Variants in NT5C1B observed in about 807,000 individuals in gnomAD.
NT5C1B encodes the protein 5'-nucleotidase, cytosolic IB, also known as cytosolic 5'-nucleotidase 1B.
NT5C1B carries 44 observed loss-of-function variants against 57.8 expected under a neutral mutation model. That is an observed-to-expected ratio of 0.76 (90% CI 0.60 to 0.98). The LOEUF (loss-of-function observed/expected upper bound fraction) is 0.98. NT5C1B is among the 50% of genes least tolerant of loss of function. NT5C1B has a pLI of 0.00. For synonymous variants in NT5C1B, 284 were observed against 282.6 expected, an observed-to-expected ratio of 1.00 and a Z score of -0.05; for missense variants, 742 against 719.5, an observed-to-expected ratio of 1.03 and a Z score of -0.36.
chr2:18,586,000 C>G (rs1666671437), intron 3 of NT5C1B, among the ~76,000 whole-genome samples: 1 of 151,910 alleles, frequency 6.6e-6, no homozygotes, highest in African/African-American at 2.4e-5. Context: ...TGTGCAGCCT[C>G]TAGATCTGGA....
chr2:18,573,171 A>G (rs998436780), intron 8 of NT5C1B, among the ~76,000 whole-genome samples: 5 of 152,178 alleles, frequency 3.3e-5, no homozygotes, highest in African/African-American at 1.2e-4. Flanking sequence ...TATGATAAAT[A>G]AAAGAAGTCA....
Position 18,576,305 on chromosome 2 carries a change from C to T in NT5C1B, c.1208G>A (p.Arg403His), listed in dbSNP as rs201567504. ...GACAGCATCCCCATCAAAGGCTACA[C>T]GGAGCTGAGTGTCACAGTAAGCCAT... The change falls in exon 8 of 9, where the codon CGT becomes CAT. Residue 403 changes from arginine to histidine, a missense_variant. By Grantham distance (29) the Arg-to-His change is conservative. Coordinates refer to ENST00000304081, the Ensembl canonical transcript of NT5C1B. 4.1e-5 allele frequency: 66 copies of T among 1,613,710 alleles called. No individual in the cohort carries two copies. The highest frequency in any genetic ancestry group is 2.7e-4 in the East Asian group (12 of 44,894).
Position 18,584,458 on chromosome 2 carries a change from T to C in NT5C1B, c.723+56A>G. 1 of 1,572,464 alleles carries C rather than the reference T, an allele frequency of 6.4e-7. No homozygotes were observed. The highest frequency in any genetic ancestry group is 8.6e-7 in the Non-Finnish European group (1 of 1,160,538). ...CCTGCGCAGTGGAGAGGAGGGCGGCTGGAAGAGGCTGCAAGGAAGGGCGCC... is the reference window on the plus strand; with the variant it reads ...CCTGCGCAGTGGAGAGGAGGGCGGCCGGAAGAGGCTGCAAGGAAGGGCGCC... On this transcript the variant is annotated intron_variant, in intron 4 of 8. Transcript: ENST00000304081. This position sits in a 1 kb window ranked among gnomAD's most constrained non-coding sequence, Gnocchi z 5.8.
chr2:18,586,324 C>T, exon 3 of NT5C1B: 1 of 1,614,160 alleles, frequency 6.2e-7, no homozygotes, highest in Non-Finnish European at 8.5e-7. Context: ...CCGGGATATT[C>T]TAGACCATTG....
rs766533423 is a variant in NT5C1B at position 18,584,898 on chromosome 2, C to T, written c.339G>A (p.Gly113=). The T allele has an allele frequency of 2.7e-5, 42 of 1,568,730 alleles. No individual in the cohort carries two copies. The highest frequency in any genetic ancestry group is 3.6e-5 in the Non-Finnish European group (42 of 1,162,666). ...ACGCGGGTGGCTGGAGCGAGGGCTG[C>T]CCGGACAGCGGCGGCGGTGAGGAGT... The change falls in exon 4 of 9, where the codon GGG becomes GGA. Residue 113 remains glycine (G), a synonymous_variant. Transcript: ENST00000304081. The surrounding 1 kb of genome is among the most constrained non-coding windows in gnomAD (Gnocchi z 5.8).
exon 9 of NT5C1B, chr2:18,562,875 A>G (rs981513899): frequency 2.6e-5 from 4 of 152,204 alleles, no homozygotes; most frequent in African/African-American, 9.6e-5. Context: ...TAATAATACT[A>G]TGTCACAAAC....
Position 18,574,010 on chromosome 2 carries a change from G to GAAAC in NT5C1B, c.1329+2170_1329+2173dup, listed in dbSNP as rs1292763229. On this transcript the variant is annotated intron_variant, in intron 8 of 8. Coordinates refer to ENST00000304081, the Ensembl canonical transcript of NT5C1B. Reference sequence around the variant, plus strand: ...ACTAGAAAGTTTCTGCAAAGCAAAGGAAACAACAGAGTGAAAAGGCACCCT... The same window carrying GAAAC: ...ACTAGAAAGTTTCTGCAAAGCAAAGGAAACAAACAACAGAGTGAAAAGGCACCCT... Among the ~76,000 whole-genome samples the GAAAC allele has an allele frequency of 4.6e-5, 7 of 152,162 alleles. No individual in the cohort carries two copies. The East Asian group carries it at 1.4e-3, about 29-fold the overall frequency.
intron 8 of NT5C1B, among the ~76,000 whole-genome samples, chr2:18,570,892 A>C (rs1040008063): frequency 6.6e-6 from 1 of 152,238 alleles, no homozygotes; most frequent in Non-Finnish European, 1.5e-5. Context: ...GCTTTTACAA[A>C]TCCATTAATG....
intron 6 of NT5C1B, among the ~76,000 whole-genome samples, chr2:18,581,341 T>C (rs1047390107): frequency 1.3e-5 from 2 of 152,208 alleles, no homozygotes; most frequent in African/African-American, 4.8e-5. Flanking sequence ...CAGAAAGGTC[T>C]CAGTTTAGGG....
At chr2:18,576,344 T>G in exon 8 of NT5C1B, 1 of 1,613,056 alleles carries the variant, frequency 6.2e-7, no homozygotes, top group Non-Finnish European at 8.5e-7. Flanking sequence ...TTTGGCTCCA[T>G]CAAACATTGT....
At chr2:18,575,862 T>C (rs1454500934) in intron 8 of NT5C1B, among the ~76,000 whole-genome samples, 1 of 152,210 alleles carries the variant, frequency 6.6e-6, no homozygotes, top group Non-Finnish European at 1.5e-5. Flanking sequence ...GAATTTATTA[T>C]GTAGAAATGG....
At chr2:18,573,826 G>GT (rs1337109240) in intron 8 of NT5C1B, among the ~76,000 whole-genome samples, 1 of 152,082 alleles carries the variant, frequency 6.6e-6, no homozygotes, top group Non-Finnish European at 1.5e-5. Context: ...AAAATGGCAT[G>GT]TTTTTTAAAC....
chr2:18,563,678 A>G (rs1224285090), exon 9 of NT5C1B: 1 of 1,202,514 alleles, frequency 8.3e-7, no homozygotes, highest in Non-Finnish European at 1.1e-6. Context: ...AAACCTTTCC[A>G]AAGAAGCAAA....
In NT5C1B at chr2:18,584,475, A is replaced by T; in HGVS notation, c.723+39T>A. ...AGGGCGGCTGGAAGAGGCTGCAAGG[A>T]AGGGCGCCCCGGCTGCCAGGGGCGG... On this transcript the variant is annotated intron_variant, in intron 4 of 8. Coordinates refer to ENST00000304081, the Ensembl canonical transcript of NT5C1B. This position sits in a 1 kb window ranked among gnomAD's most constrained non-coding sequence, Gnocchi z 5.8. 6.3e-7 allele frequency: 1 copy of T among 1,587,482 alleles called. No individual in the cohort carries two copies. Among genetic ancestry groups the T allele is most frequent in the South Asian group, 1.1e-5 (1 of 88,094 alleles).
At chr2:18,568,087 GACACACACACAC>G (rs3046807) in intron 8 of NT5C1B, among the ~76,000 whole-genome samples, 17 of 142,704 alleles carry the variant, frequency 1.2e-4, no homozygotes, top group African/African-American at 2.9e-4. Context: ...AATGCTGTGG[GACACACACACAC>G]ACACACACAC....
chr2:18,568,087 G>GACACACACACACACACACACACAC (rs3046807), intron 8 of NT5C1B, among the ~76,000 whole-genome samples: 1 of 142,598 alleles, frequency 7.0e-6, no homozygotes, highest in African/African-American at 2.6e-5. Flanking sequence ...AATGCTGTGG[G>GACACACACACACACACACACACAC]ACACACACAC....
At chr2:18,587,980 T>A (rs935843279) in intron 1 of NT5C1B, among the ~76,000 whole-genome samples, 1 of 152,184 alleles carries the variant, frequency 6.6e-6, no homozygotes. Flanking sequence ...CCATTTAGAA[T>A]TCAATTTTTT....
intron 6 of NT5C1B, among the ~76,000 whole-genome samples, chr2:18,582,006 A>G (rs1323525528): frequency 6.6e-6 from 1 of 152,094 alleles, no homozygotes; most frequent in Non-Finnish European, 1.5e-5. Context: ...GACCTCAATC[A>G]CCTACTAAAT....
At chr2:18,567,396 T>C (rs1438752152) in intron 8 of NT5C1B, among the ~76,000 whole-genome samples, 1 of 152,158 alleles carries the variant, frequency 6.6e-6, no homozygotes, top group African/African-American at 2.4e-5. Flanking sequence ...TACCATTAGA[T>C]ATTGGCTATC....
Sources: allele counts gnomAD v4.1 joint callset (sites outside exome capture counted in the v4.1 genomes callset), GRCh38; gene constraint gnomAD v4.1.1; non-coding constraint Gnocchi (gnomAD v3.1); transcripts MANE v1.5; gene names NCBI Gene and HGNC (gene_info 2026-07-23, HGNC 2026-07-21).